MARCHF3: variants seen among roughly 807,000 people sequenced by gnomAD.
MARCHF3 encodes the protein membrane associated ring-CH-type finger 3.
A neutral mutation model predicts 24.2 loss-of-function variants in MARCHF3; 13 were observed. The ratio of observed to expected loss-of-function variants is 0.54; its 90% CI spans 0.35 to 0.85. The LOEUF is 0.85. MARCHF3 is among the 40% of genes least tolerant of loss of function. The pLI, the probability that MARCHF3 is intolerant of heterozygous loss-of-function variation, is 0.01. For synonymous variants in MARCHF3, 144 were observed against 137.3 expected, an observed-to-expected ratio of 1.05 and a Z score of -0.34; for missense variants, 276 against 325.0, an observed-to-expected ratio of 0.85 and a Z score of 1.16.
chr5:127,028,404 T>C (rs999148000), intron 1 of MARCHF3, among the ~76,000 whole-genome samples: 5 of 152,222 alleles, frequency 3.3e-5, no homozygotes, highest in African/African-American at 1.2e-4. Flanking sequence ...TTTTATTATT[T>C]TAAAACTATA....
intron 1 of MARCHF3, among the ~76,000 whole-genome samples, chr5:126,965,896 T>G (rs184684013): frequency 6.6e-6 from 1 of 152,312 alleles, no homozygotes; most frequent in Non-Finnish European, 1.5e-5. Flanking sequence ...AAATAAAAGC[T>G]TATGTGCATA....
Position 126,869,730 on chromosome 5 carries a change from G to C in MARCHF3, c.*903C>G, listed in dbSNP as rs748026454. The C allele has an allele frequency of 1.3e-5, 2 of 152,154 alleles. No individual in the cohort carries two copies. Among genetic ancestry groups the C allele is most frequent in the Non-Finnish European group, 2.9e-5 (2 of 67,984 alleles). The allele number at this position is 152,154 out of a possible 1,614,324, so 9.4% of individuals were successfully genotyped here. ...CAATTCATTACGAATCCCGAATTAAGACATGCACTAAATGAGATGGGAGTG... is the reference window on the plus strand; with the variant it reads ...CAATTCATTACGAATCCCGAATTAACACATGCACTAAATGAGATGGGAGTG... On this transcript the variant is annotated 3_prime_UTR_variant, in exon 5 of 5. Coordinates refer to ENST00000308660, the MANE Select transcript of MARCHF3 (RefSeq NM_178450.5).
intron 1 of MARCHF3, among the ~76,000 whole-genome samples, chr5:126,947,625 G>A (rs983232430): frequency 1.3e-5 from 2 of 152,186 alleles, no homozygotes; most frequent in Non-Finnish European, 2.9e-5. Flanking sequence ...GGCCGTACGT[G>A]TGCACAGGGG....
chr5:126,910,247 G>T (rs1186467907), intron 3 of MARCHF3, among the ~76,000 whole-genome samples: 2 of 152,194 alleles, frequency 1.3e-5, no homozygotes, highest in Non-Finnish European at 2.9e-5. Flanking sequence ...TGGATGTTAT[G>T]AATACATGTC....
intron 1 of MARCHF3, among the ~76,000 whole-genome samples, chr5:126,973,646 T>G (rs1025161267): frequency 6.6e-6 from 1 of 152,224 alleles, no homozygotes; most frequent in African/African-American, 2.4e-5. Context: ...TTGTAATGAC[T>G]CTACCTACTT....
intron 1 of MARCHF3, among the ~76,000 whole-genome samples, chr5:127,016,923 A>G (rs1430475554): frequency 6.6e-6 from 1 of 152,348 alleles, no homozygotes; most frequent in Middle Eastern, 3.4e-3. Context: ...ACCATGGAAT[A>G]CTATGCAGCC....
chr5:126,930,383 C>T (rs183363999), intron 1 of MARCHF3, among the ~76,000 whole-genome samples: 1 of 152,202 alleles, frequency 6.6e-6, no homozygotes, highest in Non-Finnish European at 1.5e-5. Context: ...CCATTATCTT[C>T]TTTTGCTTAT....
intron 1 of MARCHF3, among the ~76,000 whole-genome samples, chr5:126,925,573 T>C (rs1226574037): frequency 6.6e-6 from 1 of 152,224 alleles, no homozygotes; most frequent in Non-Finnish European, 1.5e-5. Flanking sequence ...ATTTTAATTA[T>C]ATAGATGAAA....
intron 1 of MARCHF3, among the ~76,000 whole-genome samples, chr5:126,993,683 GA>G (rs907976115): frequency 6.6e-6 from 1 of 151,504 alleles, no homozygotes; most frequent in South Asian, 2.1e-4. Flanking sequence ...TTCAGGCAGG[GA>G]AAAAAAAGTG....
chr5:126,953,283 T>C (rs1333423703), intron 1 of MARCHF3, among the ~76,000 whole-genome samples: 1 of 152,214 alleles, frequency 6.6e-6, no homozygotes, highest in African/African-American at 2.4e-5. Flanking sequence ...ATGCTTCCTA[T>C]TGCTTTCAAA....
chr5:126,943,944 G>C (rs1234674747), intron 1 of MARCHF3, among the ~76,000 whole-genome samples: 1 of 152,000 alleles, frequency 6.6e-6, no homozygotes, highest in Non-Finnish European at 1.5e-5. Context: ...CCAAGTAGCT[G>C]GGATTATAGG....
chr5:126,986,519 C>T (rs1035833471), intron 1 of MARCHF3, among the ~76,000 whole-genome samples: 6 of 152,090 alleles, frequency 3.9e-5, no homozygotes, highest in Admixed American at 3.3e-4. Flanking sequence ...AAATATTTCA[C>T]ATTGGATGAA....
At chr5:126,879,445 A>G (rs1753278661) in intron 3 of MARCHF3, among the ~76,000 whole-genome samples, 1 of 152,176 alleles carries the variant, frequency 6.6e-6, no homozygotes, top group Non-Finnish European at 1.5e-5. Flanking sequence ...GAACCTCCTC[A>G]CTTAGGACCA....
chr5:126,933,147 G>C (rs555664584), intron 1 of MARCHF3, among the ~76,000 whole-genome samples: 2 of 152,146 alleles, frequency 1.3e-5, no homozygotes, highest in South Asian at 4.1e-4. Context: ...ACTACTTTTG[G>C]GTATCTGGGT....
At chr5:126,908,300 T>G (rs1160926240) in intron 3 of MARCHF3, among the ~76,000 whole-genome samples, 2 of 152,160 alleles carry the variant, frequency 1.3e-5, no homozygotes, top group Non-Finnish European at 2.9e-5. Context: ...TTATGTGTCT[T>G]GGAGTTGCTC....
chr5:127,009,284 T>C (rs1580483168), intron 1 of MARCHF3, among the ~76,000 whole-genome samples: 1 of 152,210 alleles, frequency 6.6e-6, no homozygotes, highest in Non-Finnish European at 1.5e-5. Flanking sequence ...AATGTAGGTG[T>C]ACAGAATATT....
intron 3 of MARCHF3, among the ~76,000 whole-genome samples, chr5:126,896,455 C>T (rs184495404): frequency 3.9e-5 from 6 of 152,202 alleles, no homozygotes; most frequent in Non-Finnish European, 7.4e-5. Context: ...TTGGGGTCTG[C>T]GGGAAAGCTC....
At chr5:126,909,152 C>T (rs956083356) in intron 3 of MARCHF3, among the ~76,000 whole-genome samples, 3 of 152,168 alleles carry the variant, frequency 2.0e-5, no homozygotes, top group Admixed American at 6.5e-5. Flanking sequence ...GGTCAGGGAC[C>T]CACTTGAGGA....
rs75794381 is a variant in MARCHF3 at position 126,916,479 on chromosome 5, C to T, written c.189-1345G>A. Among the ~76,000 whole-genome samples, 698 of 152,106 alleles carry T rather than the reference C, an allele frequency of 4.6e-3. 4 individuals carry two copies. The highest frequency in any genetic ancestry group is 0.034 in the Middle Eastern group (10 of 294). On this transcript the variant is annotated intron_variant, in intron 2 of 4. Coordinates refer to ENST00000308660, the MANE Select transcript of MARCHF3 (RefSeq NM_178450.5). ...GAATGATCCTGGGAATGAGTGAAGG[C>T]CAAAAGGAGATCAAAAAAGGAAAGG...
Sources: gnomAD v4.1 joint callset for allele counts (sites outside exome capture counted in the v4.1 genomes callset) on GRCh38, gnomAD v4.1.1 for gene constraint, MANE v1.5 for transcripts, NCBI Gene and HGNC (gene_info 2026-07-23, HGNC 2026-07-21) for gene names.